Variants in MED14 observed in about 807,000 individuals in gnomAD.
MED14 encodes the protein mediator complex subunit 14.
MED14 carries 8 observed loss-of-function variants against 109.0 expected under a neutral mutation model. The ratio of observed to expected loss-of-function variants is 0.07; its 90% confidence interval spans 0.04 to 0.13. The LOEUF (loss-of-function observed/expected upper bound fraction) is 0.13. Among genes scored for constraint, MED14 ranks in the 10% least tolerant of loss-of-function variants. The probability of loss-of-function intolerance (pLI) is 1.00; values close to 1 mark genes in which losing one functional copy is unlikely to be tolerated. For synonymous variants in MED14, 399 were observed against 408.7 expected (o/e 0.98, Z 0.29); for missense variants, 711 against 1,142.4 (o/e 0.62, Z 5.44).
chrX:40,683,971 A>G (rs1293213343), intron 16 of MED14, among the ~76,000 whole-genome samples: 4 of 112,110 alleles, frequency 3.6e-5, no homozygotes, highest in African/African-American at 9.7e-5. Context: ...TTAGCTATTC[A>G]TGAGTTATTT....
intron 2 of MED14, among the ~76,000 whole-genome samples, chrX:40,728,094 C>A (rs1228567464): frequency 8.9e-6 from 1 of 111,920 alleles, no homozygotes; most frequent in Admixed American, 9.4e-5. Flanking sequence ...GATCTCAGGG[C>A]TGGGAACCTC....
At chrX:40,724,855 A>T (rs1931843182) in intron 3 of MED14, among the ~76,000 whole-genome samples, 1 of 111,810 alleles carries the variant, frequency 8.9e-6, no homozygotes, top group African/African-American at 3.2e-5. Context: ...ACAATGCAAA[A>T]GATCAATGAA....
intron 11 of MED14, among the ~76,000 whole-genome samples, chrX:40,701,447 C>G (rs1284825457): frequency 9.0e-6 from 1 of 111,702 alleles, no homozygotes; most frequent in Non-Finnish European, 1.9e-5. Flanking sequence ...TTTTAGGGAG[C>G]ATTATAGATA....
At chrX:40,689,276 G>A (rs1420149567) in intron 15 of MED14, among the ~76,000 whole-genome samples, 1 of 112,110 alleles carries the variant, frequency 8.9e-6, no homozygotes, top group African/African-American at 3.2e-5. Context: ...CCTGCTCTTT[G>A]GGCCTGGGAA....
rs1931420342 is a variant in MED14, at chrX:40,713,856, G to A, written c.574C>T (p.Leu192Phe). The A allele has an allele frequency of 6.6e-6, 8 of 1,210,434 alleles. No individual in the cohort carries two copies. The highest frequency in any genetic ancestry group is 8.9e-6 in the Non-Finnish European group (8 of 894,200). ...PITKIEKQAT[L>F]HQLNQILRHR... ...CTAAGAATCTGATTCAGCTGATGGAGTGTGGCTTGTTTTTCAATTTTGGTA... is the reference window on the plus strand; with the variant it reads ...CTAAGAATCTGATTCAGCTGATGGAATGTGGCTTGTTTTTCAATTTTGGTA... Residue 192 changes from leucine (L) to phenylalanine (F), a missense_variant, in exon 5 of 31, where the codon CTC becomes TTC. Around this residue, in one of 8 missense-constraint regions of MED14, gnomAD observed 388 missense variants for 517.3 expected, o/e 0.75. Coordinates refer to ENST00000324817, the MANE Select transcript of MED14 (RefSeq NM_004229.4).
Position 40,682,850 on chromosome X carries a change from G to A in MED14, c.2204C>T (p.Ser735Phe). ...AAACATCTCACCTTGCTCCCTAGTA[G>A]AAGTGCCATTAAGTGGACAATTTGC... ...VFANCPLNGT[S>F]TREQGPSRHV... Residue 735 changes from serine to phenylalanine, a missense_variant, in exon 17 of 31, where the codon TCT (serine) becomes TTT (phenylalanine). By Grantham distance (155) the Ser-to-Phe change is radical (BLOSUM62 -2). This residue lies in a region of MED14 where 388 missense variants were observed against 517.3 expected (regional missense o/e 0.75). Coordinates refer to ENST00000324817, the MANE Select transcript of MED14 (RefSeq NM_004229.4). The A allele has an allele frequency of 8.3e-7, 1 of 1,211,176 alleles. No individual in the cohort carries two copies. Among genetic ancestry groups the A allele is most frequent in the Non-Finnish European group, 1.1e-6 (1 of 895,181 alleles).
chrX:40,683,475 C>T (rs1258303057), intron 16 of MED14, among the ~76,000 whole-genome samples: 1 of 112,136 alleles, frequency 8.9e-6, no homozygotes, highest in Non-Finnish European at 1.9e-5. Context: ...TGAAGAATTA[C>T]CTTATGTGTC....
chrX:40,673,102 T>C (rs1252351524), intron 22 of MED14, among the ~76,000 whole-genome samples: 1 of 111,730 alleles, frequency 9.0e-6, no homozygotes, highest in Non-Finnish European at 1.9e-5. Context: ...AGACAAATAG[T>C]TTACAAATAG....
intron 20 of MED14, 46 bp downstream of exon 20, chrX:40,680,712 C>G: frequency 9.1e-7 from 1 of 1,097,285 alleles, no homozygotes; most frequent in Non-Finnish European, 1.2e-6. Context: ...ACCAGCACGG[C>G]TGGCATACTA....
intron 22 of MED14, among the ~76,000 whole-genome samples, chrX:40,674,009 G>A (rs1418791430): frequency 2.7e-5 from 3 of 111,097 alleles, no homozygotes; most frequent in Non-Finnish European, 5.7e-5. Flanking sequence ...TTCCCCCAAA[G>A]GATGTGGCTC....
intron 13 of MED14, 109 bp from the exon 14 acceptor site, chrX:40,693,011 T>TA (rs1363062601): frequency 0.023 from 8,356 of 371,209 alleles, 9 homozygotes; most frequent in Admixed American, 0.044. Context: ...GTAGATGTCT[T>TA]AAAAAAAAAA....
At chrX:40,666,446 A>C (rs144161298) in intron 24 of MED14, among the ~76,000 whole-genome samples, 1 of 110,163 alleles carries the variant, frequency 9.1e-6, no homozygotes, top group African/African-American at 3.3e-5. Flanking sequence ...AGAATAACAG[A>C]AACGTGAGAG....
intron 28 of MED14, among the ~76,000 whole-genome samples, chrX:40,658,931 C>A (rs1929170157): frequency 9.0e-6 from 1 of 111,135 alleles, no homozygotes; most frequent in African/African-American, 3.3e-5. Context: ...GAAGGAGAGG[C>A]AAGCCATGGT....
rs1171278481 is a variant in MED14 at position 40,649,421 on chromosome X, T to C, written c.*2385A>G. The stretch of plus-strand genomic sequence containing the variant: ...ACTTTTATACATTCTGAAATGGCAT[T>C]TCAGCAGATGGAAAAATGAAGGTGG... On this transcript the variant is annotated 3_prime_UTR_variant, in exon 31 of 31. Coordinates refer to ENST00000324817, the MANE Select transcript of MED14 (RefSeq NM_004229.4). 2 of 192,211 alleles carry C rather than the reference T, an allele frequency of 1.0e-5. No individual in the cohort carries two copies. The highest frequency in any genetic ancestry group is 6.3e-5 in the African/African-American group (2 of 31,649). The allele number at this position is 192,211 out of a possible 1,213,427, so 15.8% of individuals were successfully genotyped here.
intron 28 of MED14, 37 bp from the exon 29 acceptor site, chrX:40,655,097 A>G (rs966421316): frequency 8.6e-7 from 1 of 1,166,232 alleles, no homozygotes; most frequent in Non-Finnish European, 1.2e-6. Flanking sequence ...AAAGGCATAT[A>G]AACATTTAAA....
chrX:40,701,116 G>A, intron 12 of MED14, 49 bp downstream of exon 12: 1 of 910,835 alleles, frequency 1.1e-6, no homozygotes, highest in Admixed American at 2.4e-5. Context: ...AACATATCTT[G>A]TCAAAATAAG....
chrX:40,707,400 C>A (rs1363484810), intron 10 of MED14, among the ~76,000 whole-genome samples: 1 of 111,675 alleles, frequency 9.0e-6, no homozygotes, highest in Non-Finnish European at 1.9e-5. Flanking sequence ...AAAGGTTAAA[C>A]AGTTACAAGA....
At position 40,726,801 on chromosome X, in the gene MED14, C is replaced by T. The variant is rs1167556532; in HGVS notation, c.293G>A (p.Arg98Gln). Reference protein sequence around the residue: ...FASRTRQLFVRLLALVKWANN... With the variant: ...FASRTRQLFVQLLALVKWANN... ...AGCCCATTTCACTAAAGCTAATAATCGAACGAAGAGTTGGCGTGTCCGGCT... is the reference window on the plus strand; with the variant it reads ...AGCCCATTTCACTAAAGCTAATAATTGAACGAAGAGTTGGCGTGTCCGGCT... Residue 98 changes from arginine to glutamine, a missense_variant, in exon 3 of 31, where the codon CGA (arginine) becomes CAA (glutamine). Arg to Gln is a conservative substitution (Grantham distance 43). Transcript: ENST00000324817. 1 of 1,208,673 alleles carries T rather than the reference C, an allele frequency of 8.3e-7. No homozygotes were observed. The highest frequency in any genetic ancestry group is 1.8e-5 in the South Asian group (1 of 55,909).
Position 40,723,477 on chromosome X carries a change from C to A in MED14, c.348+3269G>T, listed in dbSNP as rs185892691. 8.5e-3 allele frequency among the ~76,000 whole-genome samples: 928 copies of A among 109,209 alleles called. 7 individuals carry two copies. Among genetic ancestry groups the A allele is most frequent in the African/African-American group, 0.029 (871 of 30,054 alleles). The allele number at this position is 109,209 out of a possible 115,157, so 94.8% of individuals were successfully genotyped here. ...GGTCCGAAGTTCAAGACCAGCCCGG[C>A]CAACACGGCGAAACCCCATCTCTAC... On this transcript the variant is annotated intron_variant, in intron 3 of 30. Coordinates refer to ENST00000324817, the MANE Select transcript of MED14 (RefSeq NM_004229.4).
Sources: allele counts gnomAD v4.1 joint callset (sites outside exome capture counted in the v4.1 genomes callset), GRCh38; gene constraint gnomAD v4.1.1; regional missense constraint gnomAD v4.1.1; transcripts MANE v1.5; gene names NCBI Gene and HGNC (gene_info 2026-07-23, HGNC 2026-07-21).